ITSN1: variants seen among roughly 807,000 people sequenced by gnomAD.
The protein encoded by ITSN1 is intersectin 1.
In ITSN1, 58 loss-of-function variants were observed where a neutral mutation model predicts 239.8. That is an observed-to-expected ratio of 0.24 (90% confidence interval 0.20 to 0.30). ITSN1 has a LOEUF of 0.30. Among genes scored for constraint, ITSN1 ranks in the 10% least tolerant of loss-of-function variants. ITSN1 has a pLI of 1.00. For missense variants in ITSN1, 1,558 were observed against 2,103.3 expected, an observed-to-expected ratio of 0.74 and a Z score of 5.07; for synonymous variants, 780 against 770.8, an observed-to-expected ratio of 1.01 and a Z score of -0.20.
chr21:33,679,906 G>C (rs1396813840), intron 1 of ITSN1, among the ~76,000 whole-genome samples: 1 of 152,038 alleles, frequency 6.6e-6, no homozygotes, highest in Non-Finnish European at 1.5e-5. Context: ...CACCGTGTTA[G>C]CCAGGATGGT....
At chr21:33,693,779 C>G (rs866152919) in intron 1 of ITSN1, among the ~76,000 whole-genome samples, 1 of 152,152 alleles carries the variant, frequency 6.6e-6, no homozygotes, top group Admixed American at 6.5e-5. Flanking sequence ...GGGTTGGTAG[C>G]TTTTTTCTCT....
intron 4 of ITSN1, among the ~76,000 whole-genome samples, chr21:33,732,053 C>T (rs989147523): frequency 1.3e-5 from 2 of 152,168 alleles, no homozygotes; most frequent in Non-Finnish European, 1.5e-5. Context: ...CCAGGTCATA[C>T]GTGGATTCAA....
intron 2 of ITSN1, among the ~76,000 whole-genome samples, chr21:33,720,080 G>A (rs183877753): frequency 6.6e-6 from 1 of 152,128 alleles, no homozygotes; most frequent in East Asian, 1.9e-4. Flanking sequence ...TACAATTTCT[G>A]GTTTTTGTTT....
At chr21:33,643,302 A>G (rs1019702559) in intron 1 of ITSN1, 1 of 152,038 alleles carries the variant, frequency 6.6e-6, no homozygotes, top group Non-Finnish European at 1.5e-5. Context: ...GAAGGCATTT[A>G]AAGGGGAGCG....
At chr21:33,837,238 G>T in intron 29 of ITSN1, 1 of 1,237,614 alleles carries the variant, frequency 8.1e-7, no homozygotes, top group Admixed American at 4.1e-5. Flanking sequence ...AAACACACAG[G>T]GTAGTGGGTC....
At chr21:33,777,359 C>T (rs994836497) in intron 14 of ITSN1, among the ~76,000 whole-genome samples, 1 of 152,114 alleles carries the variant, frequency 6.6e-6, no homozygotes, top group Non-Finnish European at 1.5e-5. Context: ...CCTGTTGATA[C>T]CTAATTTTTG....
chr21:33,873,939 A>T (rs13047433), intron 33 of ITSN1, among the ~76,000 whole-genome samples: 124,813 of 151,786 alleles, frequency 0.82, 51,857 homozygotes, highest in East Asian at 0.96. Context: ...GGCAGGCAGA[A>T]CATCTGAGGT....
intron 10 of ITSN1, among the ~76,000 whole-genome samples, chr21:33,766,254 C>T (rs933307801): frequency 6.6e-6 from 1 of 152,176 alleles, no homozygotes; most frequent in African/African-American, 2.4e-5. Flanking sequence ...TTTCTACCAA[C>T]CTATGTCATC....
chr21:33,801,098 C>T (rs2071970451), intron 19 of ITSN1, among the ~76,000 whole-genome samples: 1 of 151,954 alleles, frequency 6.6e-6, no homozygotes, highest in Non-Finnish European at 1.5e-5. Context: ...CTTGAATTGC[C>T]TGGGCTCAAA....
intron 1 of ITSN1, among the ~76,000 whole-genome samples, chr21:33,691,223 A>G (rs941699809): frequency 7.2e-5 from 11 of 152,202 alleles, no homozygotes; most frequent in African/African-American, 2.7e-4. Context: ...TTGTCGCAGT[A>G]ACTGTCATAT....
intron 4 of ITSN1, among the ~76,000 whole-genome samples, chr21:33,725,615 C>G (rs2065786775): frequency 6.6e-6 from 1 of 151,974 alleles, no homozygotes; most frequent in Non-Finnish European, 1.5e-5. Context: ...AACAGTTGTC[C>G]TAACTTTCTA....
rs187711426 is a variant in ITSN1, at chr21:33,696,733, T to C, written c.-32-22064T>C. On this transcript the variant is annotated intron_variant, in intron 1 of 39. Coordinates refer to ENST00000381318, the MANE Select transcript of ITSN1 (RefSeq NM_003024.3). Reference sequence around the variant, plus strand: ...TACTTTCTTGCCCTTTTCGGTGTTATGGTGTTATTTTACACAGTTAGTACT... The same window carrying C: ...TACTTTCTTGCCCTTTTCGGTGTTACGGTGTTATTTTACACAGTTAGTACT... 2.8e-3 allele frequency among the ~76,000 whole-genome samples: 427 copies of C among 152,326 alleles called. 1 individual carries two copies. The highest frequency in any genetic ancestry group is 9.1e-3 in the African/African-American group (378 of 41,578).
At chr21:33,806,232 C>A (rs2148135246) in intron 20 of ITSN1, among the ~76,000 whole-genome samples, 1 of 151,980 alleles carries the variant, frequency 6.6e-6, no homozygotes, top group East Asian at 2.0e-4. Flanking sequence ...CTTTTAATAT[C>A]CTCATCTAGG....
intron 5 of ITSN1, among the ~76,000 whole-genome samples, chr21:33,740,558 G>C (rs2066782293): frequency 6.6e-6 from 1 of 152,170 alleles, no homozygotes; most frequent in African/African-American, 2.4e-5. Context: ...GCTTTTGAGT[G>C]ACCTTGACAA....
Position 33,894,876 on chromosome 21 carries a change from G to A in ITSN1, c.*6576G>A, listed in dbSNP as rs542855975. The A allele has an allele frequency of 2.6e-5, 4 of 152,364 alleles. No homozygotes were observed. Among genetic ancestry groups the A allele is most frequent in the Admixed American group, 1.3e-4 (2 of 15,304 alleles). 9.4% of individuals were successfully genotyped at this position (152,364 alleles called of 1,614,324 possible). On this transcript the variant is annotated 3_prime_UTR_variant, in exon 40 of 40. Coordinates refer to ENST00000381318, the MANE Select transcript of ITSN1 (RefSeq NM_003024.3). ...TGCCATTCTGTGCACTGTCACCGGC[G>A]GGGGTGGAGGGTCTCCCTGTAGGAG...
intron 17 of ITSN1, among the ~76,000 whole-genome samples, chr21:33,795,675 T>C (rs771158509): frequency 9.2e-5 from 14 of 152,154 alleles, no homozygotes; most frequent in Non-Finnish European, 1.3e-4. Flanking sequence ...CCTCCTTGGA[T>C]GTTGATTAAC....
intron 16 of ITSN1, among the ~76,000 whole-genome samples, chr21:33,787,986 A>G (rs1454987908): frequency 6.6e-6 from 1 of 152,108 alleles, no homozygotes; most frequent in Non-Finnish European, 1.5e-5. Flanking sequence ...TAGTTACAGC[A>G]TGGGTTTTTT....
intron 19 of ITSN1, among the ~76,000 whole-genome samples, chr21:33,801,016 G>A (rs1037410590): frequency 6.6e-6 from 1 of 151,548 alleles, no homozygotes; most frequent in East Asian, 1.9e-4. Context: ...AACCACAGGC[G>A]TGCACCACCA....
chr21:33,644,841 T>C (rs1208774360), intron 1 of ITSN1, among the ~76,000 whole-genome samples: 1 of 151,828 alleles, frequency 6.6e-6, no homozygotes, highest in Non-Finnish European at 1.5e-5. Flanking sequence ...TTTTTTTTCT[T>C]GAGGCAGGGT....
Sources: allele counts gnomAD v4.1 joint callset (sites outside exome capture counted in the v4.1 genomes callset), GRCh38; gene constraint gnomAD v4.1.1; transcripts MANE v1.5; gene names NCBI Gene and HGNC (gene_info 2026-07-23, HGNC 2026-07-21).